Variants in MGA observed in about 807,000 individuals in gnomAD.
The protein encoded by MGA is MAX dimerization protein MGA.
Under a neutral mutation model 261.1 loss-of-function variants are expected in MGA, and 40 were observed. That is an observed-to-expected ratio of 0.15 (90% CI 0.12 to 0.20). MGA has a LOEUF of 0.20. Among genes scored for constraint, MGA ranks in the 10% least tolerant of loss-of-function variants. The pLI, the probability that MGA is intolerant of heterozygous loss-of-function variation, is 1.00. For missense variants in MGA, 3,397 were observed against 3,630.5 expected (o/e 0.94, Z 1.65); for synonymous variants, 1,302 against 1,290.6 (o/e 1.01, Z -0.19).
chr15:41,767,553 C>T lies in MGA; in HGVS notation c.*273C>T. 2.4e-6 allele frequency: 1 copy of T among 418,820 alleles called. No homozygotes were observed. Among genetic ancestry groups the T allele is most frequent in the Non-Finnish European group, 4.3e-6 (1 of 233,668 alleles). The allele number at this position is 418,820 out of a possible 1,614,324, so 25.9% of individuals were successfully genotyped here. A position where few individuals can be genotyped will look rare whatever the true frequency, so the allele number is the denominator to read the frequency against. The stretch of plus-strand genomic sequence containing the variant: ...GATCCATTACTGAACATGAGGTGCC[C>T]CTCTTACCCAAGGAATTTATAACAT... On this transcript the variant is annotated 3_prime_UTR_variant, in exon 24 of 24. Coordinates refer to ENST00000219905, the MANE Select transcript of MGA (RefSeq NM_001164273.2).
chr15:41,696,675 T>G lies in MGA; in HGVS notation c.1665T>G (p.Asp555Glu). The change falls in exon 3 of 24, where the codon GAT (aspartate) becomes GAG (glutamate). Residue 555 changes from aspartate (D) to glutamate (E), a missense_variant. Around this residue, in one of 9 missense-constraint regions of MGA, gnomAD observed 563 missense variants for 563.6 expected, o/e 1.00. Coordinates refer to ENST00000219905, the MANE Select transcript of MGA (RefSeq NM_001164273.2). Reference sequence around the variant, plus strand: ...AAGAGCCTCAGTGGAAATATCCTGATATATCTGACAGCATTAGCACAGAAA... The same window carrying G: ...AAGAGCCTCAGTGGAAATATCCTGAGATATCTGACAGCATTAGCACAGAAA... 6.2e-7 allele frequency: 1 copy of G among 1,612,952 alleles called. No individual in the cohort carries two copies. The highest frequency in any genetic ancestry group is 2.2e-5 in the East Asian group (1 of 44,866).
chr15:41,708,950 A>G (rs1175671849), intron 7 of MGA, among the ~76,000 whole-genome samples: 1 of 152,224 alleles, frequency 6.6e-6, no homozygotes. Context: ...CCAGATAAAT[A>G]TGCCAGTTTT....
chr15:41,766,882 A>G lies in MGA; in HGVS notation c.8800A>G (p.Ile2934Val), dbSNP rs774281493. The change falls in exon 24 of 24, where the codon ATA becomes GTA. Residue 2934 changes from isoleucine to valine, a missense_variant. Physicochemically the swap from Ile to Val is conservative, Grantham distance 29 (BLOSUM62 3). This residue lies in a region of MGA where 647 missense variants were observed against 642.4 expected (regional missense o/e 1.01). Transcript: ENST00000219905. ...CCTTAAGATTGTTATTGACTCTGAA[A>G]TAAAGGATTCCCTCCTTTCCAACAA... 10 of 1,613,932 alleles carry G rather than the reference A, an allele frequency of 6.2e-6. No homozygotes were observed. The highest frequency in any genetic ancestry group is 5.0e-5 in the Admixed American group (3 of 60,010).
At chr15:41,640,350 G>A (rs965967868) in intron 1 of MGA, among the ~76,000 whole-genome samples, 1 of 152,092 alleles carries the variant, frequency 6.6e-6, no homozygotes, top group African/African-American at 2.4e-5. Flanking sequence ...GCAACTTGGT[G>A]CTCATTGTTT....
At chr15:41,738,522 A>G (rs2061915925) in intron 13 of MGA, among the ~76,000 whole-genome samples, 1 of 152,154 alleles carries the variant, frequency 6.6e-6, no homozygotes, top group Non-Finnish European at 1.5e-5. Flanking sequence ...GGAGAACAGT[A>G]TTTTCTCTAC....
chr15:41,763,185 C>T (rs1240216254), intron 22 of MGA, among the ~76,000 whole-genome samples: 7 of 146,670 alleles, frequency 4.8e-5, no homozygotes, highest in Non-Finnish European at 9.0e-5. Flanking sequence ...CTGCAAGCTC[C>T]ACCTCCTGGG....
At chr15:41,706,007 G>C (rs764141589) in intron 5 of MGA, among the ~76,000 whole-genome samples, 1 of 152,176 alleles carries the variant, frequency 6.6e-6, no homozygotes, top group Admixed American at 6.5e-5. Flanking sequence ...GGGAGGCCGA[G>C]GCGGGCGGAT....
intron 9 of MGA, among the ~76,000 whole-genome samples, chr15:41,714,935 A>T (rs1003524187): frequency 2.6e-5 from 4 of 151,918 alleles, no homozygotes; most frequent in African/African-American, 9.7e-5. Flanking sequence ...TTTTCTGTAA[A>T]TTGCCTTTTT....
At chr15:41,651,540 T>C (rs1229581756) in intron 1 of MGA, among the ~76,000 whole-genome samples, 1 of 151,364 alleles carries the variant, frequency 6.6e-6, no homozygotes, top group East Asian at 2.0e-4. Flanking sequence ...TTCCCCTTCC[T>C]TCCCTGTACA....
chr15:41,688,365 C>T (rs913300657), intron 2 of MGA, among the ~76,000 whole-genome samples: 9 of 152,146 alleles, frequency 5.9e-5, no homozygotes, highest in Non-Finnish European at 1.2e-4. Flanking sequence ...CCACCGTGCC[C>T]AGCCTAAAAC....
intron 2 of MGA, among the ~76,000 whole-genome samples, chr15:41,688,009 C>A (rs189307099): frequency 1.3e-5 from 2 of 151,992 alleles, no homozygotes; most frequent in Non-Finnish European, 2.9e-5. Context: ...ACATATACTT[C>A]TAGGGTTGTT....
At chr15:41,624,510 T>A (rs897673125) in intron 1 of MGA, among the ~76,000 whole-genome samples, 1 of 152,110 alleles carries the variant, frequency 6.6e-6, no homozygotes. Context: ...AATTTTTGTA[T>A]TTTTAGTAGA....
chr15:41,766,502 G>C lies in MGA; in HGVS notation c.8420G>C (p.Ser2807Thr). Residue 2807 changes from serine to threonine, a missense_variant, in exon 24 of 24, where the codon AGT (serine) becomes ACT (threonine). Physicochemically the swap from Ser to Thr is moderately conservative, Grantham distance 58. Transcript: ENST00000219905. Reference sequence around the variant, plus strand: ...ATAGAGGAAGCAGCTCTTGATTCCAGTGAACTGCTGACTAACATGGAAGAT... The same window carrying C: ...ATAGAGGAAGCAGCTCTTGATTCCACTGAACTGCTGACTAACATGGAAGAT... 6.2e-7 allele frequency: 1 copy of C among 1,613,990 alleles called. No individual in the cohort carries two copies. Among genetic ancestry groups the C allele is most frequent in the Non-Finnish European group, 8.5e-7 (1 of 1,179,894 alleles).
At position 41,669,806 on chromosome 15, in the gene MGA, A is replaced by G. The variant is rs367645428; in HGVS notation, c.912A>G (p.Pro304=). 84 of 1,613,996 alleles carry G rather than the reference A, an allele frequency of 5.2e-5. No homozygotes were observed. In the African/African-American group the frequency reaches 1.0e-3, roughly 19 times the overall value. ...AAGGTCAGGGGTCAGAGATACAACC[A>G]GGTGATTTGGATCCTTTGTCAAGGG... Residue 304 remains proline, a synonymous_variant, in exon 2 of 24, where the codon CCA becomes CCG. Transcript: ENST00000219905.
In MGA at chr15:41,763,393, G is replaced by A. The variant is rs552508061; in HGVS notation, c.7744+1031G>A. On this transcript the variant is annotated intron_variant, in intron 22 of 23. Coordinates refer to ENST00000219905, the MANE Select transcript of MGA (RefSeq NM_001164273.2). ...TGGGATTACAGGCGTGAGCCACTGCGCCTGGCCATCAGGCTCTATTTTTCA... is the reference window on the plus strand; with the variant it reads ...TGGGATTACAGGCGTGAGCCACTGCACCTGGCCATCAGGCTCTATTTTTCA... Among the ~76,000 whole-genome samples the A allele has an allele frequency of 6.0e-5, 9 of 151,224 alleles. No individual in the cohort carries two copies. In the East Asian group the frequency reaches 9.9e-4, roughly 17 times the overall value.
chr15:41,755,932 T>C (rs1011406179), intron 18 of MGA, among the ~76,000 whole-genome samples: 1 of 152,112 alleles, frequency 6.6e-6, no homozygotes, highest in Non-Finnish European at 1.5e-5. Flanking sequence ...GGCAGGAGGA[T>C]TGCTTGAACC....
chr15:41,737,561 G>GTAACTGT (rs755357833), intron 13 of MGA, among the ~76,000 whole-genome samples: 20 of 152,134 alleles, frequency 1.3e-4, no homozygotes, highest in Non-Finnish European at 2.4e-4. Flanking sequence ...TTTTGTTAGT[G>GTAACTGT]TAACTGTTGT....
At position 41,669,709 on chromosome 15, in the gene MGA, A is replaced by T. The variant is rs1170030657; in HGVS notation, c.815A>T (p.Lys272Ile). ...AATAATAAGCCCCAGAGAGATGGAA[A>T]ACAAAAGAACAGCTCTGACCAAGAA... Residue 272 changes from lysine to isoleucine, a missense_variant, in exon 2 of 24, where the codon AAA (lysine) becomes ATA (isoleucine). Lys to Ile is a moderately radical substitution (Grantham distance 102, BLOSUM62 -3). Around this residue, in one of 9 missense-constraint regions of MGA, gnomAD observed 563 missense variants for 563.6 expected, o/e 1.00. Transcript: ENST00000219905. 4 of 1,613,614 alleles carry T rather than the reference A, an allele frequency of 2.5e-6. No individual in the cohort carries two copies. The highest frequency in any genetic ancestry group is 3.4e-6 in the Non-Finnish European group (4 of 1,179,674).
chr15:41,648,885 T>TTACAGGAG (rs1490986886), intron 1 of MGA, among the ~76,000 whole-genome samples: 3 of 152,134 alleles, frequency 2.0e-5, no homozygotes, highest in African/African-American at 7.2e-5. Context: ...GGAGAATGGA[T>TTACAGGAG]TACAGGAGAG....
Sources: gnomAD v4.1 joint callset for allele counts (sites outside exome capture counted in the v4.1 genomes callset) on GRCh38, gnomAD v4.1.1 for gene constraint, gnomAD v4.1.1 regional missense constraint, MANE v1.5 for transcripts, NCBI Gene and HGNC (gene_info 2026-07-23, HGNC 2026-07-21) for gene names.